The following GSAP variants were observed in gnomAD, a reference collection of about 807,000 sequenced individuals.
GSAP encodes the protein gamma-secretase activating protein, also known as gamma-secretase-activating protein.
In GSAP, 118 loss-of-function variants were observed where a neutral mutation model predicts 131.7. That is an observed-to-expected ratio of 0.90 (90% CI 0.77 to 1.04). The LOEUF (loss-of-function observed/expected upper bound fraction) is 1.04, where lower values mean the gene tolerates loss of function less well. Among genes scored for constraint, GSAP ranks in the 50% least tolerant of loss-of-function variants. GSAP has a pLI of 0.00. For missense variants in GSAP, 1,019 were observed against 1,013.2 expected (o/e 1.01, Z -0.08); for synonymous variants, 381 against 363.4 (o/e 1.05, Z -0.55).
chr7:77,383,616 GTC>G (rs2151049105), intron 6 of GSAP, among the ~76,000 whole-genome samples: 1 of 152,286 alleles, frequency 6.6e-6, no homozygotes, highest in South Asian at 2.1e-4. Flanking sequence ...ACCACTATGT[GTC>G]TGTTTGCAGG....
intron 5 of GSAP, among the ~76,000 whole-genome samples, chr7:77,391,809 TG>T (rs961055348): frequency 2.6e-5 from 4 of 152,134 alleles, no homozygotes; most frequent in Non-Finnish European, 4.4e-5. Flanking sequence ...CACCCCAGCT[TG>T]GGCAACAGAG....
At chr7:77,382,474 G>GC in intron 7 of GSAP, 100 bp downstream of exon 7, 1 of 675,306 alleles carries the variant, frequency 1.5e-6, no homozygotes, top group Admixed American at 2.1e-5. Flanking sequence ...CAGACCCTTG[G>GC]CAATGGCAGG....
intron 20 of GSAP, chr7:77,329,901 C>T (rs1285465605): frequency 1.1e-5 from 2 of 175,834 alleles, no homozygotes; most frequent in Admixed American, 1.3e-4. Context: ...TACCCCAACC[C>T]CTAATGACCA....
Position 77,377,410 on chromosome 7 carries a change from A to C in GSAP, c.577-20T>G, listed in dbSNP as rs1239244538. On this transcript the variant is annotated intron_variant, in intron 8 of 30. Coordinates refer to ENST00000257626, the MANE Select transcript of GSAP (RefSeq NM_017439.4). Reference sequence around the variant, plus strand: ...AATCACCTAAAAATGCAAAAAAAAAAAAAAAAAAAAAAGTATGAATAACTT... The same window carrying C: ...AATCACCTAAAAATGCAAAAAAAAACAAAAAAAAAAAAGTATGAATAACTT... The C allele has an allele frequency of 6.5e-7, 1 of 1,547,722 alleles. No individual in the cohort carries two copies. The highest frequency in any genetic ancestry group is 8.6e-7 in the Non-Finnish European group (1 of 1,156,080).
chr7:77,412,208 A>T (rs891138491), intron 1 of GSAP, among the ~76,000 whole-genome samples: 1 of 151,878 alleles, frequency 6.6e-6, no homozygotes, highest in Non-Finnish European at 1.5e-5. Flanking sequence ...AATGAAACAA[A>T]ATGAACTCAG....
intron 3 of GSAP, among the ~76,000 whole-genome samples, chr7:77,402,938 T>A (rs143815029): frequency 3.3e-5 from 5 of 152,296 alleles, no homozygotes; most frequent in African/African-American, 1.2e-4. Context: ...CCTATCACTA[T>A]CAATCCAGTG....
chr7:77,406,065 AT>A lies in GSAP; in HGVS notation c.149del (p.Asn50MetfsTer59). ...AAATAATATTTCCATTTCTTTCAAC[AT>A]TTAATACATGTAAGCTCTCATAATC... ...ENDYESLHVL[N>X]VERNGNIIYT... On this transcript the variant is annotated frameshift_variant, in exon 2 of 31. Transcript: ENST00000257626. LOFTEE classifies it high-confidence loss of function. 8.9e-7 allele frequency: 1 copy of A among 1,124,810 alleles called. No homozygotes were observed. Among genetic ancestry groups the A allele is most frequent in the East Asian group, 4.1e-5 (1 of 24,360 alleles). The allele number at this position is 1,124,810 out of a possible 1,614,324, so 69.7% of individuals were successfully genotyped here. A position where few individuals can be genotyped will look rare whatever the true frequency, so the allele number is the denominator to read the frequency against.
chr7:77,399,456 G>C (rs1800962750), intron 3 of GSAP, among the ~76,000 whole-genome samples: 1 of 152,128 alleles, frequency 6.6e-6, no homozygotes, highest in Admixed American at 6.6e-5. Flanking sequence ...AAGAGTCCAT[G>C]TCCCAAATTA....
chr7:77,405,904 A>T (rs578243969), intron 2 of GSAP, 125 bp downstream of exon 2: 1 of 346,102 alleles, frequency 2.9e-6, no homozygotes, highest in Admixed American at 5.8e-5. Flanking sequence ...TTAAGATTAA[A>T]TGCCAACAAG....
At chr7:77,363,601 A>G (rs1037308227) in intron 12 of GSAP, among the ~76,000 whole-genome samples, 45 of 152,302 alleles carry the variant, frequency 3.0e-4, no homozygotes, top group African/African-American at 9.9e-4. Context: ...ATCGTGGTAG[A>G]AAAAAAGTCA....
At chr7:77,365,898 G>GTTTTTTTTTT (rs35007328) in intron 12 of GSAP, among the ~76,000 whole-genome samples, 24 of 115,578 alleles carry the variant, frequency 2.1e-4, no homozygotes, top group African/African-American at 3.2e-4. Context: ...GCAACTGTGG[G>GTTTTTTTTTT]TTTTTTTTTT....
rs187383170 is a variant in GSAP at position 77,393,360 on chromosome 7, G to C, written c.367+3622C>G. ...ACTGAACAAAATGAAACCTTCCCAT[G>C]ATGAGCAATACCTTTCATATACTGA... On this transcript the variant is annotated intron_variant, in intron 5 of 30. Transcript: ENST00000257626. Among the ~76,000 whole-genome samples the C allele has an allele frequency of 2.9e-3, 441 of 152,234 alleles. 1 individual carries two copies. The highest frequency in any genetic ancestry group is 5.1e-3 in the Admixed American group (78 of 15,290).
chr7:77,381,421 A>G, intron 7 of GSAP, 67 bp from the exon 8 acceptor site: 3 of 752,892 alleles, frequency 4.0e-6, no homozygotes, highest in Non-Finnish European at 6.4e-6. Flanking sequence ...TTTTTGCCTA[A>G]CTCTTGTAAA....
intron 9 of GSAP, 28 bp downstream of exon 9, chr7:77,377,258 A>AAAAAAAAAAAAAAAAAAAAG: frequency 2.1e-6 from 3 of 1,400,736 alleles, no homozygotes; most frequent in Non-Finnish European, 2.8e-6. Flanking sequence ...AAAAAAAAAA[A>AAAAAAAAAAAAAAAAAAAAG]GGAGTGCCCG....
chr7:77,321,546 T>C (rs1448384933), intron 24 of GSAP, 143 bp from the exon 25 acceptor site: 1 of 635,164 alleles, frequency 1.6e-6, no homozygotes, highest in Non-Finnish European at 2.9e-6. Flanking sequence ...CTTTCTGAGG[T>C]CAATTCTGAA....
At chr7:77,393,301 A>G (rs554270892) in intron 5 of GSAP, among the ~76,000 whole-genome samples, 1 of 152,314 alleles carries the variant, frequency 6.6e-6, no homozygotes, top group East Asian at 1.9e-4. Context: ...AATAAATCCT[A>G]TAGTGCTTTC....
Position 77,311,235 on chromosome 7 carries a change from C to T in GSAP, c.*123G>A. On this transcript the variant is annotated 3_prime_UTR_variant, in exon 31 of 31. Transcript: ENST00000257626. ...GTGTACCAACCTGAAACTCACATGGCTAAACAATTATGGCTAAACTATTTT... is the reference window on the plus strand; with the variant it reads ...GTGTACCAACCTGAAACTCACATGGTTAAACAATTATGGCTAAACTATTTT... 1 of 676,548 alleles carries T rather than the reference C, an allele frequency of 1.5e-6. No individual in the cohort carries two copies. Among genetic ancestry groups the T allele is most frequent in the South Asian group, 1.8e-5 (1 of 56,314 alleles). The allele number at this position is 676,548 out of a possible 1,614,324, so 41.9% of individuals were successfully genotyped here.
chr7:77,398,207 T>C (rs1367495984), intron 3 of GSAP, among the ~76,000 whole-genome samples: 1 of 152,120 alleles, frequency 6.6e-6, no homozygotes, highest in Non-Finnish European at 1.5e-5. Context: ...AAACAGTAAA[T>C]AGTGTAAGTA....
intron 26 of GSAP, among the ~76,000 whole-genome samples, chr7:77,317,804 A>ATTTCCCT: frequency 6.6e-6 from 1 of 152,336 alleles, no homozygotes; most frequent in Admixed American, 6.5e-5. Context: ...TTGTGTTAAC[A>ATTTCCCT]ACAAACAATT....
Sources: gnomAD v4.1 joint callset for allele counts (sites outside exome capture counted in the v4.1 genomes callset) on GRCh38, gnomAD v4.1.1 for gene constraint, MANE v1.5 for transcripts, NCBI Gene and HGNC (gene_info 2026-07-23, HGNC 2026-07-21) for gene names.